Variants in CDKL3 observed in about 807,000 individuals in gnomAD.
CDKL3 encodes cyclin-dependent kinase-like 3.
CDKL3 carries 65 observed loss-of-function variants against 69.3 expected under a neutral mutation model. The observed-to-expected ratio is 0.94, with a 90% CI of 0.77 to 1.15. CDKL3 has a LOEUF of 1.15. Among genes scored for constraint, CDKL3 ranks in the 50% most tolerant of loss-of-function variants. CDKL3 has a pLI of 0.00. For synonymous variants in CDKL3, 202 were observed against 221.6 expected (o/e 0.91, Z 0.79); for missense variants, 652 against 689.2 (o/e 0.95, Z 0.61).
upstream of CDKL3, chr5:134,371,483 C>CGGT: frequency 1.5e-6 from 2 of 1,307,022 alleles, no homozygotes; most frequent in Non-Finnish European, 1.0e-6. Flanking sequence ...TCGGCGGCGG[C>CGGT]GGCGGCGGCG....
downstream of CDKL3, among the ~76,000 whole-genome samples, chr5:134,296,603 C>G (rs1322019966): frequency 6.6e-6 from 1 of 152,092 alleles, no homozygotes; most frequent in African/African-American, 2.4e-5. Flanking sequence ...GTTTGTGCAG[C>G]CTCTATAAAC....
Position 134,322,976 on chromosome 5 carries a change from T to C in CDKL3, c.540-1073A>G, listed in dbSNP as rs572608303. On this transcript the variant is annotated intron_variant, in intron 4 of 12. Coordinates refer to ENST00000265334, the MANE Select transcript of CDKL3 (RefSeq NM_001113575.2). ...CCTGGGCAACAAGAGCAAAACTCAG[T>C]CTCAAAAAAAAAAAAAAATTGATGA... Among the ~76,000 whole-genome samples the C allele has an allele frequency of 2.1e-5, 3 of 145,280 alleles. No individual in the cohort carries two copies. In the East Asian group the frequency reaches 5.9e-4, roughly 29 times the overall value.
In CDKL3 at chr5:134,289,153, C is replaced by A. The variant is rs557879640; in HGVS notation, c.*678-2594G>T. Among the ~76,000 whole-genome samples the A allele has an allele frequency of 1.4e-4, 18 of 124,572 alleles. No individual in the cohort carries two copies. The East Asian group carries it at 3.8e-3, about 26-fold the overall frequency. The allele number at this position is 124,572 out of a possible 152,430, so 81.7% of individuals were successfully genotyped here. ...GTTCAGCCTAGACAGCAGAGCAAGA[C>A]CCTGTCTCATAAAAAAAAAAAAAAA... is the stretch of plus-strand genomic sequence containing the variant. On this transcript the variant is annotated intron_variant and NMD_transcript_variant, in intron 8 of 8. Coordinates refer to the CDKL3 transcript ENST00000519312.
chr5:134,371,556 CT>C (rs35950497), upstream of CDKL3: 160,803 of 1,262,986 alleles, frequency 0.13, 7,091 homozygotes, highest in Non-Finnish European at 0.14. Flanking sequence ...CTGCGCGGGA[CT>C]TTTTTTTTTT....
At chr5:134,335,260 T>A (rs1016085139) in intron 4 of CDKL3, among the ~76,000 whole-genome samples, 1 of 151,988 alleles carries the variant, frequency 6.6e-6, no homozygotes, top group African/African-American at 2.4e-5. Context: ...CACTGATGGG[T>A]CTTGACTCTT....
intron 3 of CDKL3, among the ~76,000 whole-genome samples, chr5:134,357,953 C>A (rs1755024151): frequency 6.6e-6 from 1 of 152,166 alleles, no homozygotes; most frequent in Admixed American, 6.5e-5. Context: ...GTGGCATGTG[C>A]CTGTAGTCCT....
intron 3 of CDKL3, among the ~76,000 whole-genome samples, chr5:134,358,283 TA>T (rs1490512959): frequency 1.3e-5 from 2 of 152,174 alleles, no homozygotes; most frequent in African/African-American, 4.8e-5. Context: ...GGTCTACTTC[TA>T]TTTTCACAAT....
intron 3 of CDKL3, among the ~76,000 whole-genome samples, chr5:134,356,404 T>C (rs1754627176): frequency 6.6e-6 from 1 of 152,212 alleles, no homozygotes. Context: ...AGAATGGTAT[T>C]GGTTGTGGCC....
At chr5:134,364,730 C>T (rs992424102) in intron 2 of CDKL3, among the ~76,000 whole-genome samples, 3 of 152,004 alleles carry the variant, frequency 2.0e-5, no homozygotes, top group African/African-American at 7.2e-5. Context: ...CCAGGCTGGT[C>T]TCGAACTCCT....
intron 6 of CDKL3, among the ~76,000 whole-genome samples, chr5:134,313,594 ATAT>A (rs1279051235): frequency 6.6e-6 from 1 of 152,158 alleles, no homozygotes; most frequent in African/African-American, 2.4e-5. Context: ...ATTGTATATA[ATAT>A]TATGTTTCTG....
At chr5:134,296,519 T>C (rs1765357490), downstream of CDKL3, among the ~76,000 whole-genome samples, 1 of 152,162 alleles carries the variant, frequency 6.6e-6, no homozygotes, top group African/African-American at 2.4e-5. Flanking sequence ...CACTTTGGAA[T>C]GGGACTTCAA....
rs767635510 is a variant in CDKL3, at chr5:134,321,846, G to A, written c.597C>T (p.Pro199=). 3.7e-6 allele frequency: 6 copies of A among 1,612,872 alleles called. No homozygotes were observed. Among genetic ancestry groups the A allele is most frequent in the Non-Finnish European group, 5.1e-6 (6 of 1,179,178 alleles). Residue 199 remains proline, a synonymous_variant, in exon 5 of 13, where the codon CCC becomes CCT. Coordinates refer to ENST00000265334, the MANE Select transcript of CDKL3 (RefSeq NM_001113575.2). ...CCAAATCAGAACTACTAGGAAGATA[G>A]GGATTTCCAGTGGCCATCTCAATGA... ...CMIIEMATGN[P]YLPSSSDLDL...
intron 4 of CDKL3, among the ~76,000 whole-genome samples, chr5:134,339,714 C>T (rs987242719): frequency 2.6e-5 from 4 of 151,934 alleles, no homozygotes; most frequent in Admixed American, 6.6e-5. Flanking sequence ...AGAAATTACA[C>T]GAAGTATATT....
intron 12 of CDKL3, chr5:134,299,836 C>T: frequency 1.1e-6 from 1 of 872,424 alleles, no homozygotes; most frequent in Non-Finnish European, 1.8e-6. Flanking sequence ...AATACTTGTA[C>T]TTTGCCCCTA....
intron 3 of CDKL3, among the ~76,000 whole-genome samples, chr5:134,354,855 G>C (rs887526740): frequency 4.2e-4 from 64 of 152,186 alleles, no homozygotes; most frequent in African/African-American, 1.5e-3. Flanking sequence ...GCTGAGGCAG[G>C]AGAATCGCTT....
intron 4 of CDKL3, among the ~76,000 whole-genome samples, chr5:134,325,934 T>TC (rs1189385528): frequency 1.4e-5 from 2 of 146,068 alleles, no homozygotes; most frequent in African/African-American, 2.5e-5. Flanking sequence ...TGGCTTTTTT[T>TC]TTTTTTTTTT....
intron 10 of CDKL3, 121 bp downstream of exon 10, chr5:134,306,488 T>G: frequency 1.6e-6 from 1 of 637,938 alleles, no homozygotes; most frequent in African/African-American, 1.9e-5. Flanking sequence ...CAGAGAGAGA[T>G]CCTCTCTCAA....
At chr5:134,350,014 C>T (rs915400933) in intron 4 of CDKL3, among the ~76,000 whole-genome samples, 1 of 151,948 alleles carries the variant, frequency 6.6e-6, no homozygotes, top group African/African-American at 2.4e-5. Context: ...ATTGTGAAAC[C>T]CCGTCTCTAC....
intron 2 of CDKL3, among the ~76,000 whole-genome samples, chr5:134,361,950 A>T (rs1315168839): frequency 6.6e-6 from 1 of 152,120 alleles, no homozygotes; most frequent in African/African-American, 2.4e-5. Context: ...TCCTCTACTT[A>T]AGGAAAATTA....
Sources: allele counts gnomAD v4.1 joint callset (sites outside exome capture counted in the v4.1 genomes callset), GRCh38; gene constraint gnomAD v4.1.1; transcripts MANE v1.5; gene names NCBI Gene and HGNC (gene_info 2026-07-23, HGNC 2026-07-21).